Variants in CCDC187 observed in about 807,000 individuals in gnomAD.
The protein encoded by CCDC187 is coiled-coil domain-containing protein 187.
A neutral mutation model predicts 38.0 loss-of-function variants in CCDC187; 32 were observed. The ratio of observed to expected loss-of-function variants is 0.84; its 90% CI spans 0.64 to 1.13. CCDC187 has a LOEUF of 1.13. Among genes scored for constraint, CCDC187 ranks in the 50% most tolerant of loss-of-function variants. The pLI is 0.00. For missense variants in CCDC187, 707 were observed against 786.8 expected (o/e 0.90, Z 1.21); for synonymous variants, 333 against 347.9 (o/e 0.96, Z 0.48).
At position 136,258,166 on chromosome 9, in the gene CCDC187, G is replaced by A. The variant is rs1830637344; in HGVS notation, c.4366+766C>T. On this transcript the variant is annotated intron_variant, in intron 22 of 25. Transcript: ENST00000638797. The surrounding 1 kb of genome is among the most constrained non-coding windows in gnomAD (Gnocchi z 4.3). The stretch of plus-strand genomic sequence containing the variant: ...AGGGAAAGCGCTCTGTATTCACTCC[G>A]CCTCCCAGTGTCACTGGCCTCTCCA... 1.3e-5 allele frequency among the ~76,000 whole-genome samples: 2 copies of A among 152,198 alleles called. No homozygotes were observed. Among genetic ancestry groups the A allele is most frequent in the East Asian group, 1.9e-4 (1 of 5,168 alleles).
chr9:136,305,174 G>A (rs1253695952), upstream of CCDC187, among the ~76,000 whole-genome samples: 3 of 152,334 alleles, frequency 2.0e-5, no homozygotes, highest in African/African-American at 4.8e-5. Flanking sequence ...TGTGAGGTGC[G>A]GCCACCTCCA....
intron 15 of CCDC187, 80 bp from the exon 16 acceptor site, chr9:136,267,591 C>T (rs1830769247): frequency 4.1e-6 from 4 of 985,600 alleles, no homozygotes; most frequent in South Asian, 9.4e-5. Context: ...GTAGGGTGGG[C>T]CGCGTCACCG....
At position 136,291,438 on chromosome 9, in the gene CCDC187, C is replaced by G. The variant is rs36170606; in HGVS notation, c.1175G>C (p.Arg392Pro). 5.0e-6 allele frequency: 2 copies of G among 398,712 alleles called. No individual in the cohort carries two copies. Among genetic ancestry groups the G allele is most frequent in the South Asian group, 2.5e-4 (2 of 7,870 alleles). The allele number at this position is 398,712 out of a possible 1,614,324, so 24.7% of individuals were successfully genotyped here. A position where few individuals can be genotyped will look rare whatever the true frequency, so the allele number is the denominator to read the frequency against. ...TGGCCCGAGCTCTTGCCCTCCCTTG[C>G]GGGCCTGGGCCAGCTCCAGCCCAGC... ...IQAGLELAQA[R>P]KGGQELGPSK... is the part of the protein sequence containing the mutation. The change falls in exon 6 of 26, where the codon CGC becomes CCC. Residue 392 changes from arginine to proline, a missense_variant. By Grantham distance (103) the Arg-to-Pro change is moderately radical (BLOSUM62 -2). Transcript: ENST00000638797.
chr9:136,293,377 TCACACTCACATGCTCA>T (rs2131322699), intron 4 of CCDC187, among the ~76,000 whole-genome samples: 1 of 107,956 alleles, frequency 9.3e-6, no homozygotes, highest in South Asian at 2.9e-4. Flanking sequence ...GCTCACACAC[TCACACTCACATGCTCA>T]CACACTCACA....
At chr9:136,261,037 A>G (rs927659941) in intron 19 of CCDC187, among the ~76,000 whole-genome samples, 1 of 152,134 alleles carries the variant, frequency 6.6e-6, no homozygotes, top group Admixed American at 6.5e-5. Context: ...TAAAAATGGG[A>G]ACAGGAACCC....
At chr9:136,297,654 C>G (rs1287804500) in intron 4 of CCDC187, 60 bp downstream of exon 4, 1 of 399,250 alleles carries the variant, frequency 2.5e-6, no homozygotes, top group African/African-American at 2.1e-5. Flanking sequence ...CATCTGCCTA[C>G]CTAGAGTGCC....
chr9:136,305,144 C>T (rs965948401), upstream of CCDC187, among the ~76,000 whole-genome samples: 6 of 152,334 alleles, frequency 3.9e-5, no homozygotes, highest in African/African-American at 1.4e-4. Flanking sequence ...CATCCAAAGA[C>T]AGGCAGGCCC....
At chr9:136,284,773 T>C (rs992712160) in intron 9 of CCDC187, among the ~76,000 whole-genome samples, 1 of 151,652 alleles carries the variant, frequency 6.6e-6, no homozygotes, top group Non-Finnish European at 1.5e-5. Context: ...TGTTCACAAA[T>C]CCCCAGGAGG....
intron 25 of CCDC187, 86 bp downstream of exon 25, chr9:136,255,571 G>C (rs781926671): frequency 7.3e-5 from 40 of 550,834 alleles, no homozygotes; most frequent in Non-Finnish European, 8.8e-5. Context: ...ATTGTGGGGA[G>C]AAGCTGGCTC....
rs782019369 is a variant in CCDC187, at chr9:136,250,924, G to A, written c.*2670C>T. 2 of 451,748 alleles carry A rather than the reference G, an allele frequency of 4.4e-6. No homozygotes were observed. The highest frequency in any genetic ancestry group is 9.0e-6 in the Non-Finnish European group (2 of 223,228). The allele number at this position is 451,748 out of a possible 1,614,324, so 28.0% of individuals were successfully genotyped here. On this transcript the variant is annotated 3_prime_UTR_variant, in exon 26 of 26. Coordinates refer to ENST00000638797, the MANE Select transcript of CCDC187 (RefSeq NM_001378188.1). ...AGGGGGCCCAAAGAGGTTCTAAGGG[G>A]CCTGGGGTCTCTCACCAGAGCTATG...
chr9:136,299,357 T>G (rs1362338579), intron 3 of CCDC187, among the ~76,000 whole-genome samples: 1 of 152,130 alleles, frequency 6.6e-6, no homozygotes, highest in South Asian at 2.1e-4. Flanking sequence ...ACCACCGACC[T>G]GGACCCACCC....
chr9:136,260,361 G>A, intron 19 of CCDC187, 97 bp from the exon 20 acceptor site: 1 of 927,864 alleles, frequency 1.1e-6, no homozygotes, highest in South Asian at 5.0e-5. Context: ...CCTCTCCCTG[G>A]GAACAACCTC....
At chr9:136,267,275 ACGGGCGGGAC>A in intron 16 of CCDC187, 99 bp downstream of exon 16, 1 of 785,326 alleles carries the variant, frequency 1.3e-6, no homozygotes, top group Non-Finnish European at 1.5e-6. Context: ...TGTCGGGGCC[ACGGGCGGGAC>A]CCGGACGGGG....
chr9:136,263,906 G>A (rs1189538794), intron 17 of CCDC187, 108 bp from the exon 18 acceptor site: 1 of 796,262 alleles, frequency 1.3e-6, no homozygotes, highest in Non-Finnish European at 1.5e-6. Context: ...CTCACACTGG[G>A]AGGCCTCCCT....
intron 4 of CCDC187, among the ~76,000 whole-genome samples, chr9:136,292,658 G>GAGC (rs1236136400): frequency 1.3e-5 from 2 of 152,172 alleles, no homozygotes; most frequent in Admixed American, 6.5e-5. Context: ...AAGAAACGCC[G>GAGC]AGCAGCAGCA....
chr9:136,259,387 TCCGTCCGGGGGGCTCACGTG>T lies in CCDC187; in HGVS notation c.4252_4271del (p.His1418ThrfsTer81). 2 of 982,666 alleles carry T rather than the reference TCCGTCCGGGGGGCTCACGTG, an allele frequency of 2.0e-6. No individual in the cohort carries two copies. The highest frequency in any genetic ancestry group is 2.4e-6 in the Non-Finnish European group (2 of 829,394). The allele number at this position is 982,666 out of a possible 1,614,324, so 60.9% of individuals were successfully genotyped here. On this transcript the variant is annotated frameshift_variant, in exon 21 of 26. Coordinates refer to ENST00000638797, the MANE Select transcript of CCDC187 (RefSeq NM_001378188.1). LOFTEE classifies it high-confidence loss of function. ...CGGGAAAGGCTGGGCCCAGCCGCTG[TCCGTCCGGGGGGCTCACGTG>T]CTGCAGGCCCAGCAGAGGGGCCCGA...
intron 4 of CCDC187, among the ~76,000 whole-genome samples, chr9:136,294,895 T>C (rs1485488871): frequency 6.6e-6 from 1 of 152,234 alleles, no homozygotes; most frequent in Non-Finnish European, 1.5e-5. Context: ...GGGCGTGGTC[T>C]CAGGATTCTC....
At chr9:136,274,091 G>A (rs568644515) in intron 14 of CCDC187, among the ~76,000 whole-genome samples, 16 of 152,330 alleles carry the variant, frequency 1.1e-4, no homozygotes, top group East Asian at 7.7e-4. Context: ...GGAGGTGGGC[G>A]TATCAACGGG....
chr9:136,255,632 G>C, intron 25 of CCDC187, 25 bp downstream of exon 25: 1 of 974,614 alleles, frequency 1.0e-6, no homozygotes, highest in Non-Finnish European at 1.2e-6. Flanking sequence ...ATGGCTGAAG[G>C]AGGGGCTGGG....
Sources: gnomAD v4.1 joint callset for allele counts (sites outside exome capture counted in the v4.1 genomes callset) on GRCh38, gnomAD v4.1.1 for gene constraint, Gnocchi (gnomAD v3.1) non-coding constraint, MANE v1.5 for transcripts, NCBI Gene and HGNC (gene_info 2026-07-23, HGNC 2026-07-21) for gene names.